The following ASTN2 variants were observed in gnomAD, a reference collection of about 807,000 sequenced individuals.
ASTN2 encodes astrotactin-2.
A neutral mutation model predicts 139.8 loss-of-function variants in ASTN2; 54 were observed. That is an observed-to-expected ratio of 0.39 (90% CI 0.31 to 0.48). ASTN2 has a LOEUF of 0.48. Among genes scored for constraint, ASTN2 ranks in the 20% least tolerant of loss-of-function variants. The probability of loss-of-function intolerance (pLI) is 0.95; values close to 1 mark genes in which losing one functional copy is unlikely to be tolerated. For missense variants in ASTN2, 1,565 were observed against 1,725.1 expected, an observed-to-expected ratio of 0.91 and a Z score of 1.64; for synonymous variants, 756 against 719.5, an observed-to-expected ratio of 1.05 and a Z score of -0.81.
Position 117,214,749 on chromosome 9 carries a change from C to T in ASTN2, c.631-7G>A. 1.4e-6 allele frequency: 2 copies of T among 1,478,168 alleles called. No homozygotes were observed. The highest frequency in any genetic ancestry group is 9.0e-7 in the Non-Finnish European group (1 of 1,114,144). 91.6% of individuals were successfully genotyped at this position (1,478,168 alleles called of 1,614,324 possible). A position where few individuals can be genotyped will look rare whatever the true frequency, so the allele number is the denominator to read the frequency against. ...GCAGCGCGATGAGGCCACCCTGGAG[C>T]AGGAAGGAAGGACACACAAATGGGC... On this transcript the variant is annotated splice_region_variant and splice_polypyrimidine_tract_variant and intron_variant, in intron 2 of 22. Coordinates refer to ENST00000313400, the MANE Select transcript of ASTN2 (RefSeq NM_001365068.1).
intron 10 of ASTN2, among the ~76,000 whole-genome samples, chr9:116,923,966 G>T (rs540065468): frequency 2.0e-5 from 3 of 152,290 alleles, no homozygotes; most frequent in African/African-American, 7.2e-5. Context: ...CTGAGGTGAA[G>T]GCACTGGAAG....
At chr9:116,976,964 T>G (rs925979265) in intron 7 of ASTN2, among the ~76,000 whole-genome samples, 179 bp from the exon 8 acceptor site, 16 of 152,152 alleles carry the variant, frequency 1.1e-4, no homozygotes, top group Admixed American at 5.9e-4. Flanking sequence ...CCTTTGTTCA[T>G]TCACTCATTT....
intron 20 of ASTN2, among the ~76,000 whole-genome samples, chr9:116,446,843 G>A (rs1385323688): frequency 1.3e-5 from 2 of 152,168 alleles, no homozygotes; most frequent in African/African-American, 4.8e-5. Flanking sequence ...GTATTGGGAG[G>A]TTGAAATCCA....
intron 2 of ASTN2, among the ~76,000 whole-genome samples, chr9:117,241,859 T>C (rs941738042): frequency 2.0e-5 from 3 of 151,860 alleles, no homozygotes; most frequent in Admixed American, 1.3e-4. Context: ...TAAAGAAGTA[T>C]CTGCTACTGA....
chr9:116,900,253 C>A (rs1291795778), intron 10 of ASTN2, among the ~76,000 whole-genome samples: 2 of 152,184 alleles, frequency 1.3e-5, no homozygotes, highest in Non-Finnish European at 2.9e-5. Context: ...TTTGTAGACA[C>A]CATGCTGGAT....
At chr9:116,688,254 G>T (rs995102541) in intron 16 of ASTN2, among the ~76,000 whole-genome samples, 1 of 152,126 alleles carries the variant, frequency 6.6e-6, no homozygotes, top group Non-Finnish European at 1.5e-5. Context: ...ATTTGGAATT[G>T]TAAGAGGGTT....
intron 11 of ASTN2, among the ~76,000 whole-genome samples, chr9:116,850,980 T>G (rs1219556523): frequency 6.6e-6 from 1 of 152,204 alleles, no homozygotes; most frequent in Non-Finnish European, 1.5e-5. Flanking sequence ...CTATGGACTC[T>G]TTGCTAGTTA....
intron 11 of ASTN2, among the ~76,000 whole-genome samples, chr9:116,836,340 T>G (rs896370105): frequency 6.6e-6 from 1 of 151,552 alleles, no homozygotes; most frequent in Non-Finnish European, 1.5e-5. Context: ...TGGAAGGCCA[T>G]GCTCTTCACT....
intron 19 of ASTN2, among the ~76,000 whole-genome samples, chr9:116,610,261 TATACTATC>T (rs1855466909): frequency 6.6e-6 from 1 of 152,182 alleles, no homozygotes; most frequent in Non-Finnish European, 1.5e-5. Flanking sequence ...GATCCAACTA[TATACTATC>T]TTCCAGAAAC....
chr9:116,532,969 A>G (rs1034593139), intron 19 of ASTN2, among the ~76,000 whole-genome samples: 3 of 152,130 alleles, frequency 2.0e-5, no homozygotes, highest in Non-Finnish European at 4.4e-5. Context: ...CCATTTTGCA[A>G]TATTGATTCT....
intron 19 of ASTN2, among the ~76,000 whole-genome samples, chr9:116,564,158 C>A (rs1356248033): frequency 6.6e-6 from 1 of 152,216 alleles, no homozygotes; most frequent in Non-Finnish European, 1.5e-5. Context: ...CGAACCTAAA[C>A]CTGATTCAAA....
chr9:116,732,294 C>T (rs928594387), intron 14 of ASTN2, among the ~76,000 whole-genome samples: 5 of 152,280 alleles, frequency 3.3e-5, no homozygotes, highest in South Asian at 4.2e-4. Context: ...TGGTTTAACA[C>T]ACAAAAAGTG....
chr9:116,772,357 C>T (rs1015544616), intron 13 of ASTN2, among the ~76,000 whole-genome samples: 1 of 152,196 alleles, frequency 6.6e-6, no homozygotes, highest in African/African-American at 2.4e-5. Context: ...TGCACACGCT[C>T]TCTTGCCTGC....
intron 19 of ASTN2, among the ~76,000 whole-genome samples, chr9:116,601,008 T>C (rs1349267676): frequency 6.6e-6 from 1 of 152,194 alleles, no homozygotes; most frequent in East Asian, 1.9e-4. Context: ...GCTAATATTT[T>C]AGTGAGAAAG....
intron 11 of ASTN2, among the ~76,000 whole-genome samples, chr9:116,855,458 C>G (rs778517627): frequency 1.3e-5 from 2 of 152,170 alleles, no homozygotes; most frequent in Non-Finnish European, 2.9e-5. Context: ...AATACAGTTC[C>G]AATTTCCTTC....
chr9:116,751,369 C>T (rs956714099), intron 13 of ASTN2, among the ~76,000 whole-genome samples: 2 of 152,108 alleles, frequency 1.3e-5, no homozygotes, highest in South Asian at 2.1e-4. Flanking sequence ...GTTCTGCTTC[C>T]ACTCTTGCAA....
chr9:117,054,285 G>A (rs1564403347), intron 5 of ASTN2, among the ~76,000 whole-genome samples: 1 of 152,198 alleles, frequency 6.6e-6, no homozygotes, highest in African/African-American at 2.4e-5. Context: ...TCTATTCTGG[G>A]AGTCTGAAGC....
chr9:116,480,513 G>C (rs1042317538), intron 20 of ASTN2, among the ~76,000 whole-genome samples: 3 of 152,164 alleles, frequency 2.0e-5, no homozygotes, highest in Non-Finnish European at 4.4e-5. Flanking sequence ...GGATGAACAA[G>C]GCAGGCACAG....
intron 3 of ASTN2, among the ~76,000 whole-genome samples, chr9:117,175,581 G>T (rs879381668): frequency 6.6e-6 from 1 of 152,108 alleles, no homozygotes; most frequent in Non-Finnish European, 1.5e-5. Flanking sequence ...ACTAGAACAG[G>T]AGAGCTCAGA....
Sources: allele counts gnomAD v4.1 joint callset (sites outside exome capture counted in the v4.1 genomes callset), GRCh38; gene constraint gnomAD v4.1.1; transcripts MANE v1.5; gene names NCBI Gene and HGNC (gene_info 2026-07-23, HGNC 2026-07-21).